Variants in KRT85 observed in about 807,000 individuals in gnomAD.
KRT85 encodes keratin, type II cuticular Hb5.
In KRT85, 39 loss-of-function variants were observed where a neutral mutation model predicts 53.7. The ratio of observed to expected loss-of-function variants is 0.73; its 90% CI spans 0.56 to 0.95. The LOEUF is 0.95. KRT85 is among the 40% of genes least tolerant of loss of function. KRT85 has a pLI of 0.00. For synonymous variants in KRT85, 291 were observed against 277.5 expected (o/e 1.05, Z -0.48); for missense variants, 668 against 686.0 (o/e 0.97, Z 0.29).
At chr12:52,365,216 G>A (rs373307702) in intron 1 of KRT85, 46 bp from the exon 2 acceptor site, 1 of 1,591,382 alleles carries the variant, frequency 6.3e-7, no homozygotes, top group Non-Finnish European at 8.6e-7. Context: ...CCTGGGGGGA[G>A]GCACCTGGTC....
In KRT85 at chr12:52,362,901, G is replaced by A. The variant is rs761395969; in HGVS notation, c.1030C>T (p.Arg344Cys). Residue 344 changes from arginine (R) to cysteine (C), a missense_variant, in exon 6 of 9, where the codon CGC (arginine) becomes TGC (cysteine). Around this residue, in one of 3 missense-constraint regions of KRT85, gnomAD observed 488 missense variants for 498.1 expected, o/e 0.98. Transcript: ENST00000257901. ...TCGGCCGTCAGCCTCTGGATCATGC[G>A]GTTCAGCTCGTTGATCTCCTCCTTG... ...RTKEEINELN[R>C]MIQRLTAEIE... The A allele has an allele frequency of 3.5e-5, 57 of 1,613,984 alleles. No individual in the cohort carries two copies. The highest frequency in any genetic ancestry group is 4.0e-5 in the Non-Finnish European group (47 of 1,180,028).
At position 52,361,014 on chromosome 12, in the gene KRT85, C is replaced by T. The variant is rs1421896848; in HGVS notation, c.1363G>A (p.Gly455Arg). The T allele has an allele frequency of 6.2e-7, 1 of 1,613,416 alleles. No homozygotes were observed. Among genetic ancestry groups the T allele is most frequent in the Admixed American group, 1.7e-5 (1 of 59,938 alleles). ...GGGGTGGTGCTGTAGGAGAGGCCCCCACAGGAGACTCCACCACGGGAGCTG... is the reference window on the plus strand; with the variant it reads ...GGGGTGGTGCTGTAGGAGAGGCCCCTACAGGAGACTCCACCACGGGAGCTG... The part of the protein sequence containing the change: ...VSSSRGGVSC[G>R]GLSYSTTPGR... Residue 455 changes from glycine to arginine, a missense_variant, in exon 9 of 9, where the codon GGG (glycine) becomes AGG (arginine). Gly to Arg is a moderately radical substitution (Grantham distance 125). Transcript: ENST00000257901.
At position 52,362,992 on chromosome 12, in the gene KRT85, G is replaced by A. The variant is rs778524167; in HGVS notation, c.952-13C>T. The A allele has an allele frequency of 6.2e-7, 1 of 1,614,152 alleles. No homozygotes were observed. Among genetic ancestry groups the A allele is most frequent in the Non-Finnish European group, 8.5e-7 (1 of 1,180,012 alleles). Reference sequence around the variant, plus strand: ...TCATCTCCTCACACTGGAGGAAGTAGAGATGCTCATGAGGCTCAGGGTGGG... The same window carrying A: ...TCATCTCCTCACACTGGAGGAAGTAAAGATGCTCATGAGGCTCAGGGTGGG... On this transcript the variant is annotated splice_polypyrimidine_tract_variant and intron_variant, in intron 5 of 8. Coordinates refer to ENST00000257901, the MANE Select transcript of KRT85 (RefSeq NM_002283.4).
chr12:52,360,931 G>C lies in KRT85; in HGVS notation c.1446C>G (p.Ala482=). 6.2e-7 allele frequency: 1 copy of C among 1,612,786 alleles called. No homozygotes were observed. Among genetic ancestry groups the C allele is most frequent in the Non-Finnish European group, 8.5e-7 (1 of 1,179,992 alleles). Residue 482 remains alanine, a synonymous_variant, in exon 9 of 9, where the codon GCC becomes GCG. Coordinates refer to ENST00000257901, the MANE Select transcript of KRT85 (RefSeq NM_002283.4). ...SAIGGSITVV[A]PDSCAPCQPR... is the part of the protein sequence containing the mutation. ...GCTGGCAGGGGGCACAGGAGTCAGG[G>C]GCCACCACCGTGATGCTGCCGCCTA...
chr12:52,363,470 C>T (rs1458091495), intron 4 of KRT85, 60 bp from the exon 5 acceptor site: 4 of 1,588,214 alleles, frequency 2.5e-6, no homozygotes, highest in Non-Finnish European at 3.5e-6. Flanking sequence ...ACGTGATCCA[C>T]CCCAGGGGAC....
In KRT85 at chr12:52,362,912, T is replaced by C. The variant is rs2121400939; in HGVS notation, c.1019A>G (p.Asn340Ser). The stretch of plus-strand genomic sequence containing the variant: ...CCTCTGGATCATGCGGTTCAGCTCG[T>C]TGATCTCCTCCTTGGTGCGGCGCAG... ...ETLRRTKEEINELNRMIQRLT... is the reference protein window; with the variant it reads ...ETLRRTKEEISELNRMIQRLT... Residue 340 changes from asparagine (N) to serine (S), a missense_variant, in exon 6 of 9, where the codon AAC becomes AGC. Around this residue, in one of 3 missense-constraint regions of KRT85, gnomAD observed 488 missense variants for 498.1 expected, o/e 0.98. Coordinates refer to ENST00000257901, the MANE Select transcript of KRT85 (RefSeq NM_002283.4). The C allele has an allele frequency of 6.2e-7, 1 of 1,614,160 alleles. No homozygotes were observed. The highest frequency in any genetic ancestry group is 1.1e-5 in the South Asian group (1 of 91,078).
chr12:52,360,992 G>A lies in KRT85; in HGVS notation c.1385C>T (p.Thr462Ile). The change falls in exon 9 of 9, where the codon ACC becomes ATC. Residue 462 changes from threonine (T) to isoleucine (I), a missense_variant. Transcript: ENST00000257901. ...GCCAGAAGTGATCTGGCGCCCTGGGGTGGTGCTGTAGGAGAGGCCCCCACA... is the reference window on the plus strand; with the variant it reads ...GCCAGAAGTGATCTGGCGCCCTGGGATGGTGCTGTAGGAGAGGCCCCCACA... ...VSCGGLSYST[T>I]PGRQITSGPS... The A allele has an allele frequency of 2.5e-6, 4 of 1,613,666 alleles. No homozygotes were observed. Among genetic ancestry groups the A allele is most frequent in the Non-Finnish European group, 3.4e-6 (4 of 1,179,886 alleles).
chr12:52,365,220 C>G (rs1427309659), intron 1 of KRT85, 50 bp from the exon 2 acceptor site: 1 of 1,580,036 alleles, frequency 6.3e-7, no homozygotes, highest in African/African-American at 1.3e-5. Context: ...GGGGGAGGCA[C>G]CTGGTCCCCC....
At chr12:52,364,647 G>T in intron 2 of KRT85, 1 of 1,437,930 alleles carries the variant, frequency 7.0e-7, no homozygotes, top group Non-Finnish European at 9.1e-7. Flanking sequence ...AAGAGAGCTG[G>T]TTCCATTGGC....
At chr12:52,364,590 C>T in intron 2 of KRT85, 2 of 1,443,594 alleles carry the variant, frequency 1.4e-6, no homozygotes, top group Non-Finnish European at 1.8e-6. Context: ...GTTAGGAATG[C>T]ACATTCCTTC....
intron 8 of KRT85, 63 bp downstream of exon 8, chr12:52,361,404 A>G: frequency 6.8e-7 from 1 of 1,480,610 alleles, no homozygotes; most frequent in Non-Finnish European, 9.5e-7. Context: ...GGGTTAGGCC[A>G]ATGAGTTCAG....
At position 52,367,001 on chromosome 12, in the gene KRT85, C is replaced by T. The variant is rs1012614612; in HGVS notation, c.405G>A (p.Ala135=). 1 of 1,613,986 alleles carries T rather than the reference C, an allele frequency of 6.2e-7. No individual in the cohort carries two copies. The highest frequency in any genetic ancestry group is 2.2e-5 in the East Asian group (1 of 44,886). ...CCTCACCCACCTTGTCGATGAAGGC[C>T]GCGAACCTGCTGTTGAGGGACTTGA... The part of the protein sequence containing the change: ...EQIKSLNSRF[A]AFIDKVRFLE... The change falls in exon 1 of 9, where the codon GCG becomes GCA. Residue 135 remains alanine (A), a synonymous_variant. Transcript: ENST00000257901.
Position 52,362,518 on chromosome 12 carries a change from G to A in KRT85, c.1078-47C>T, listed in dbSNP as rs369032518. On this transcript the variant is annotated intron_variant, in intron 6 of 8. Transcript: ENST00000257901. ...GCCAGGATGAGAAAGAGAAGCCACAGCTTGGCTCACCCAAGCTGATGGAGC... is the reference window on the plus strand; with the variant it reads ...GCCAGGATGAGAAAGAGAAGCCACAACTTGGCTCACCCAAGCTGATGGAGC... 209 of 1,605,640 alleles carry A rather than the reference G, an allele frequency of 1.3e-4. 1 individual carries two copies. The highest frequency in any genetic ancestry group is 3.3e-4 in the Middle Eastern group (2 of 6,080).
In KRT85 at chr12:52,362,378, C is replaced by T. The variant is rs372977259; in HGVS notation, c.1171G>A (p.Ala391Thr). The change falls in exon 7 of 9, where the codon GCC becomes ACC. Residue 391 changes from alanine (A) to threonine (T), a missense_variant. Ala to Thr is a moderately conservative substitution (Grantham distance 58). Around this residue, in one of 3 missense-constraint regions of KRT85, gnomAD observed 488 missense variants for 498.1 expected, o/e 0.98. Coordinates refer to ENST00000257901, the MANE Select transcript of KRT85 (RefSeq NM_002283.4). The part of the protein sequence containing the change: ...ARCKLAELEG[A>T]LQKAKQDMAC... ...ATGTCCTGCTTGGCCTTCTGCAGGG[C>T]GCCCTCCAGCTCAGCCAGCTTGCAG... is the stretch of plus-strand genomic sequence containing the variant. 1.4e-5 allele frequency: 23 copies of T among 1,614,094 alleles called. No individual in the cohort carries two copies. Among genetic ancestry groups the T allele is most frequent in the East Asian group, 6.7e-5 (3 of 44,886 alleles).
At position 52,367,232 on chromosome 12, in the gene KRT85, G is replaced by T; in HGVS notation, c.174C>A (p.Asn58Lys). The change falls in exon 1 of 9, where the codon AAC (asparagine) becomes AAA (lysine). Residue 58 changes from asparagine (N) to lysine (K), a missense_variant. Transcript: ENST00000257901. The stretch of plus-strand genomic sequence containing the variant: ...CTATCCGGGGCCCGCAGGAGCCCAG[G>T]TTGCAGAGGCTGCGGCTGCCGAAGC... ...LTGFGSRSLCNLGSCGPRIAV... is the reference protein window; with the variant it reads ...LTGFGSRSLCKLGSCGPRIAV... 6.2e-7 allele frequency: 1 copy of T among 1,613,214 alleles called. No homozygotes were observed. The highest frequency in any genetic ancestry group is 8.5e-7 in the Non-Finnish European group (1 of 1,179,450).
chr12:52,363,741 C>T (rs1178994568), intron 4 of KRT85, among the ~76,000 whole-genome samples: 1 of 152,118 alleles, frequency 6.6e-6, no homozygotes, highest in African/African-American at 2.4e-5. Context: ...AGGACCATGC[C>T]CTATGTGCGA....
At chr12:52,362,064 T>C (rs1939198367) in intron 7 of KRT85, among the ~76,000 whole-genome samples, 187 bp downstream of exon 7, 1 of 152,208 alleles carries the variant, frequency 6.6e-6, no homozygotes, top group Non-Finnish European at 1.5e-5. Flanking sequence ...TATTGGATTG[T>C]GAGGATTATA....
At chr12:52,366,963 G>A (rs1488215756) in intron 1 of KRT85, 23 bp downstream of exon 1, 2 of 1,613,854 alleles carry the variant, frequency 1.2e-6, no homozygotes, top group East Asian at 4.5e-5. Context: ...AGGCTTCTCT[G>A]GGCCGTCTCA....
In KRT85 at chr12:52,367,377, G is replaced by C; in HGVS notation, c.29C>G (p.Ser10Ter). The C allele has an allele frequency of 6.2e-7, 1 of 1,614,134 alleles. No individual in the cohort carries two copies. The highest frequency in any genetic ancestry group is 1.3e-5 in the African/African-American group (1 of 75,046). Residue 10 changes from serine (S) to a stop codon, truncating the protein, a stop_gained, in exon 1 of 9, where the codon TCA (serine) becomes TGA (stop). Transcript: ENST00000257901. LOFTEE classifies it high-confidence loss of function. The part of the protein sequence containing the change: MSCRSYRIS[S>*]GCGVTRNFSS... ...GAAGTTCCTGGTGACCCCGCATCCT[G>C]AGCTGATCCTGTAGGAGCGGCACGA...
Sources: gnomAD v4.1 joint callset for allele counts (sites outside exome capture counted in the v4.1 genomes callset) on GRCh38, gnomAD v4.1.1 for gene constraint, gnomAD v4.1.1 regional missense constraint, MANE v1.5 for transcripts, NCBI Gene and HGNC (gene_info 2026-07-23, HGNC 2026-07-21) for gene names.